The following NRXN1 variants were observed in gnomAD, a reference collection of about 807,000 sequenced individuals.
NRXN1 encodes neurexin 1, also known as neurexin-1.
In NRXN1, 39 loss-of-function variants were observed where a neutral mutation model predicts 150.9. That is an observed-to-expected ratio of 0.26 (90% CI 0.20 to 0.34). The LOEUF (loss-of-function observed/expected upper bound fraction) is 0.34. NRXN1 is among the 10% of genes least tolerant of loss of function. NRXN1 has a pLI of 1.00. For synonymous variants in NRXN1, 924 were observed against 757.0 expected, an observed-to-expected ratio of 1.22 and a Z score of -3.62; for missense variants, 1,815 against 1,949.9, an observed-to-expected ratio of 0.93 and a Z score of 1.30.
At chr2:50,384,648 C>T (rs2081204885) in intron 17 of NRXN1, among the ~76,000 whole-genome samples, 1 of 152,070 alleles carries the variant, frequency 6.6e-6, no homozygotes, top group Admixed American at 6.6e-5. Context: ...CACAAATACC[C>T]AACTAATCTT....
At chr2:50,704,810 A>C (rs771832907) in intron 5 of NRXN1, among the ~76,000 whole-genome samples, 3 of 151,880 alleles carry the variant, frequency 2.0e-5, no homozygotes, top group Admixed American at 6.6e-5. Flanking sequence ...TGGCCCTTCT[A>C]TCACAATTAA....
At chr2:50,009,962 T>A (rs1365614282) in intron 21 of NRXN1, among the ~76,000 whole-genome samples, 1 of 152,118 alleles carries the variant, frequency 6.6e-6, no homozygotes. Flanking sequence ...TTGTGGGCCA[T>A]TATTCTAATT....
chr2:50,200,635 A>G (rs2062092366), intron 18 of NRXN1, among the ~76,000 whole-genome samples: 1 of 152,164 alleles, frequency 6.6e-6, no homozygotes, highest in Non-Finnish European at 1.5e-5. Context: ...AAAACATCCA[A>G]TATATCAAAG....
intron 2 of NRXN1, among the ~76,000 whole-genome samples, chr2:50,978,354 T>C (rs1429161791): frequency 6.9e-6 from 1 of 143,896 alleles, no homozygotes; most frequent in Non-Finnish European, 1.5e-5. Context: ...AATTATAATT[T>C]TCCATAGTAA....
rs1671037048 is a variant in NRXN1 at position 51,028,810 on chromosome 2, C to T, written c.-537G>A. ...TTGGATGCTTGTGAATGCCTCAAGTCTGTCTCCTTCAGATGTGGTGTCTTA... is the reference window on the plus strand; with the variant it reads ...TTGGATGCTTGTGAATGCCTCAAGTTTGTCTCCTTCAGATGTGGTGTCTTA... On this transcript the variant is annotated 5_prime_UTR_variant, in exon 2 of 23. Coordinates refer to ENST00000401669, the MANE Select transcript of NRXN1 (RefSeq NM_001330078.2). 6.6e-6 allele frequency: 1 copy of T among 152,430 alleles called. No homozygotes were observed. The allele number at this position is 152,430 out of a possible 1,614,324, so 9.4% of individuals were successfully genotyped here. A position where few individuals can be genotyped will look rare whatever the true frequency, so the allele number is the denominator to read the frequency against.
rs1030282372 is a variant in NRXN1, at chr2:49,969,324, G to C, written c.4129-25533C>G. On this transcript the variant is annotated intron_variant, in intron 21 of 22. Transcript: ENST00000401669. ...ACAATGATTTTGAAGCCAATGGAGG[G>C]TAACTGGTCCAAAAAGCACATCTAA... Among the ~76,000 whole-genome samples, 23 of 152,066 alleles carry C rather than the reference G, an allele frequency of 1.5e-4. No individual in the cohort carries two copies. In the Middle Eastern group the frequency reaches 0.01, roughly 67 times the overall value.
intron 21 of NRXN1, among the ~76,000 whole-genome samples, chr2:50,018,093 A>G (rs10208220): frequency 0.52 from 78,818 of 151,898 alleles, 21,431 homozygotes; most frequent in East Asian, 0.63. Flanking sequence ...CATCCAAGGG[A>G]CCCTGGTGAA....
chr2:50,780,599 A>G (rs1041106221), intron 5 of NRXN1, among the ~76,000 whole-genome samples: 4 of 152,120 alleles, frequency 2.6e-5, no homozygotes, highest in Non-Finnish European at 5.9e-5. Context: ...TCTTCCAAAG[A>G]GTTATACTGA....
At chr2:50,159,583 T>C (rs1206770348) in intron 18 of NRXN1, among the ~76,000 whole-genome samples, 1 of 152,162 alleles carries the variant, frequency 6.6e-6, no homozygotes, top group Non-Finnish European at 1.5e-5. Context: ...ACTGCTAGCA[T>C]GAGAAGCTCA....
intron 18 of NRXN1, among the ~76,000 whole-genome samples, chr2:50,119,874 T>C (rs1191813279): frequency 1.3e-5 from 2 of 152,140 alleles, no homozygotes; most frequent in African/African-American, 2.4e-5. Context: ...AGAAGAAGGA[T>C]ACCAAAAAAA....
intron 18 of NRXN1, among the ~76,000 whole-genome samples, chr2:50,155,183 C>T (rs566423438): frequency 2.0e-5 from 3 of 151,532 alleles, no homozygotes; most frequent in Non-Finnish European, 4.4e-5. Flanking sequence ...GGAAAGAAGA[C>T]ACTAAAATAC....
intron 17 of NRXN1, among the ~76,000 whole-genome samples, chr2:50,275,401 A>G (rs1382365830): frequency 2.0e-5 from 3 of 152,232 alleles, no homozygotes; most frequent in Non-Finnish European, 4.4e-5. Context: ...TTTATTCAGC[A>G]CATGCATTTC....
chr2:50,762,124 C>T (rs200805154), intron 5 of NRXN1, among the ~76,000 whole-genome samples: 3 of 6,644 alleles, frequency 4.5e-4, no homozygotes, highest in Admixed American at 1.5e-3. Context: ...TATGTGTATA[C>T]ACACACACAC....
intron 18 of NRXN1, among the ~76,000 whole-genome samples, chr2:50,187,324 A>T (rs1031735485): frequency 1.3e-5 from 2 of 152,234 alleles, no homozygotes; most frequent in East Asian, 3.9e-4. Flanking sequence ...AAAGGTGGAT[A>T]TATATTTAAT....
intron 21 of NRXN1, among the ~76,000 whole-genome samples, chr2:49,998,171 A>G (rs1165469932): frequency 6.6e-6 from 1 of 152,284 alleles, no homozygotes. Context: ...GGAGGAAAGA[A>G]TTAAAACTTT....
Position 50,726,101 on chromosome 2 carries a change from A to C in NRXN1, c.833-102486T>G, listed in dbSNP as rs545628129. On this transcript the variant is annotated intron_variant, in intron 5 of 22. Coordinates refer to ENST00000401669, the MANE Select transcript of NRXN1 (RefSeq NM_001330078.2). The stretch of plus-strand genomic sequence containing the variant: ...GTGGATCATATTTCCCATAAATTAC[A>C]ATCCATTTGAGGAAACTGCTTCTTT... Among the ~76,000 whole-genome samples, 11 of 152,186 alleles carry C rather than the reference A, an allele frequency of 7.2e-5. No individual in the cohort carries two copies. In the South Asian group the frequency reaches 8.3e-4, roughly 11 times the overall value.
chr2:50,019,947 C>CAAACAAAAAA (rs1687282931), intron 21 of NRXN1, among the ~76,000 whole-genome samples: 1 of 43,358 alleles, frequency 2.3e-5, no homozygotes, highest in Non-Finnish European at 4.9e-5. Context: ...GACTCCGTCT[C>CAAACAAAAAA]AAAAAAAAAA....
chr2:50,804,955 T>C (rs1254779343), intron 5 of NRXN1, among the ~76,000 whole-genome samples: 2 of 152,166 alleles, frequency 1.3e-5, no homozygotes, highest in African/African-American at 2.4e-5. Context: ...TACAGTATAA[T>C]AAAGAAGGCA....
intron 2 of NRXN1, among the ~76,000 whole-genome samples, chr2:50,969,395 T>C (rs1034546812): frequency 5.9e-5 from 9 of 152,150 alleles, no homozygotes; most frequent in African/African-American, 1.9e-4. Flanking sequence ...TCATTACACA[T>C]AGTAAATGAT....
Sources: gnomAD v4.1 joint callset for allele counts (sites outside exome capture counted in the v4.1 genomes callset) on GRCh38, gnomAD v4.1.1 for gene constraint, MANE v1.5 for transcripts, NCBI Gene and HGNC (gene_info 2026-07-23, HGNC 2026-07-21) for gene names.